PLXDC2: variants seen among roughly 807,000 people sequenced by gnomAD.
The protein encoded by PLXDC2 is plexin domain-containing protein 2.
A neutral mutation model predicts 68.9 loss-of-function variants in PLXDC2; 40 were observed. That is an observed-to-expected ratio of 0.58 (90% CI 0.45 to 0.76). The LOEUF (loss-of-function observed/expected upper bound fraction) is 0.76, where lower values mean the gene tolerates loss of function less well. PLXDC2 is among the 30% of genes least tolerant of loss of function. PLXDC2 has a pLI of 0.00. For missense variants in PLXDC2, 644 were observed against 661.9 expected (o/e 0.97, Z 0.30); for synonymous variants, 243 against 234.2 (o/e 1.04, Z -0.34).
chr10:20,278,409 G>A (rs992249689), intron 13 of PLXDC2, among the ~76,000 whole-genome samples: 1 of 152,104 alleles, frequency 6.6e-6, no homozygotes, highest in Non-Finnish European at 1.5e-5. Flanking sequence ...TGCTTAGTAT[G>A]TTTCCATTGT....
chr10:19,933,912 A>G (rs1259972876), intron 1 of PLXDC2, among the ~76,000 whole-genome samples: 1 of 151,950 alleles, frequency 6.6e-6, no homozygotes, highest in African/African-American at 2.4e-5. Flanking sequence ...GAAAGGAAAG[A>G]GAAAGGAAGG....
chr10:19,978,144 A>G (rs67123321), intron 1 of PLXDC2, among the ~76,000 whole-genome samples: 31,478 of 151,796 alleles, frequency 0.21, 4,009 homozygotes, highest in Middle Eastern at 0.36. Context: ...TTTCCATTTT[A>G]TTTGTTTTAT....
intron 1 of PLXDC2, among the ~76,000 whole-genome samples, chr10:19,861,243 C>T (rs896167634): frequency 1.3e-5 from 2 of 151,970 alleles, no homozygotes; most frequent in African/African-American, 4.8e-5. Context: ...CCATGTTGGC[C>T]AGGCTGGTCT....
At chr10:20,220,507 C>G (rs1282999957) in intron 12 of PLXDC2, among the ~76,000 whole-genome samples, 2 of 152,002 alleles carry the variant, frequency 1.3e-5, no homozygotes, top group East Asian at 3.9e-4. Flanking sequence ...ACTTCCTTCC[C>G]TTCCTTTCCT....
chr10:20,055,165 A>G (rs12260307), intron 3 of PLXDC2, among the ~76,000 whole-genome samples: 10,398 of 152,032 alleles, frequency 0.068, 700 homozygotes, highest in African/African-American at 0.17. Flanking sequence ...TTATGTGTTG[A>G]TTGTTTAAAA....
intron 1 of PLXDC2, among the ~76,000 whole-genome samples, chr10:19,859,756 G>A (rs1837285267): frequency 6.6e-6 from 1 of 152,180 alleles, no homozygotes; most frequent in African/African-American, 2.4e-5. Flanking sequence ...ATTTGAGATG[G>A]AGTCTCTCTG....
At chr10:20,248,056 C>T (rs555407533) in intron 13 of PLXDC2, among the ~76,000 whole-genome samples, 1 of 152,212 alleles carries the variant, frequency 6.6e-6, no homozygotes, top group Non-Finnish European at 1.5e-5. Flanking sequence ...CTAGCCAGAC[C>T]TCAGGCTGCT....
intron 4 of PLXDC2, among the ~76,000 whole-genome samples, chr10:20,134,763 G>A (rs1158679409): frequency 1.3e-5 from 2 of 152,152 alleles, no homozygotes; most frequent in Non-Finnish European, 2.9e-5. Flanking sequence ...GGGCCAGCCT[G>A]TAACCTAGGA....
At chr10:20,188,269 C>T (rs981645357) in intron 9 of PLXDC2, among the ~76,000 whole-genome samples, 4 of 151,670 alleles carry the variant, frequency 2.6e-5, no homozygotes, top group Non-Finnish European at 5.9e-5. Context: ...CTTTCCCCAT[C>T]CTTTCTTACC....
intron 3 of PLXDC2, among the ~76,000 whole-genome samples, chr10:20,055,247 T>A (rs1311950641): frequency 6.6e-6 from 1 of 152,114 alleles, no homozygotes; most frequent in African/African-American, 2.4e-5. Flanking sequence ...ATTTAAAAAA[T>A]TAAGTTTTCT....
At chr10:20,267,425 G>A (rs557333205) in intron 13 of PLXDC2, among the ~76,000 whole-genome samples, 9 of 152,228 alleles carry the variant, frequency 5.9e-5, no homozygotes, top group African/African-American at 2.2e-4. Context: ...GCAGGAAGAA[G>A]ATAGCACCAA....
intron 1 of PLXDC2, among the ~76,000 whole-genome samples, chr10:19,951,221 G>T (rs887630327): frequency 6.6e-6 from 1 of 152,074 alleles, no homozygotes; most frequent in Non-Finnish European, 1.5e-5. Context: ...CAAAATTGGA[G>T]AAAATACTCA....
At position 20,282,635 on chromosome 10, in the gene PLXDC2, A is replaced by T. The variant is rs1836096480; in HGVS notation, c.*2816A>T. 6.6e-6 allele frequency: 1 copy of T among 152,280 alleles called. No individual in the cohort carries two copies. Among genetic ancestry groups the T allele is most frequent in the East Asian group, 1.9e-4 (1 of 5,174 alleles). 9.4% of individuals were successfully genotyped at this position (152,280 alleles called of 1,614,324 possible). A position where few individuals can be genotyped will look rare whatever the true frequency, so the allele number is the denominator to read the frequency against. ...GTTCCATTATTGGAACGCTAAGCTT[A>T]TGGGAGTTATTTAGAGCCTACTGCT... On this transcript the variant is annotated 3_prime_UTR_variant, in exon 14 of 14. Transcript: ENST00000377252.
chr10:19,971,125 C>T (rs556881749), intron 1 of PLXDC2, among the ~76,000 whole-genome samples: 1 of 152,128 alleles, frequency 6.6e-6, no homozygotes, highest in Non-Finnish European at 1.5e-5. Flanking sequence ...ATAATACAGC[C>T]CGTTGGTGAT....
intron 1 of PLXDC2, among the ~76,000 whole-genome samples, chr10:19,856,183 A>G (rs978748480): frequency 3.3e-5 from 5 of 152,188 alleles, no homozygotes; most frequent in African/African-American, 1.2e-4. Context: ...TATTTTGTCA[A>G]TTCATATATT....
chr10:20,114,346 G>A (rs1833596004), intron 4 of PLXDC2, among the ~76,000 whole-genome samples: 1 of 152,096 alleles, frequency 6.6e-6, no homozygotes, highest in South Asian at 2.1e-4. Flanking sequence ...TAGCCCTAAT[G>A]CCCAGCACAA....
At chr10:20,180,280 C>T (rs10827985) in intron 9 of PLXDC2, among the ~76,000 whole-genome samples, 33,534 of 151,822 alleles carry the variant, frequency 0.22, 5,063 homozygotes, top group African/African-American at 0.41. Context: ...TATTGAATAC[C>T]GAACACTTAC....
In PLXDC2 at chr10:20,280,025, C is replaced by A. The variant is rs547239752; in HGVS notation, c.*206C>A. 4 of 527,682 alleles carry A rather than the reference C, an allele frequency of 7.6e-6. No homozygotes were observed. In the African/African-American group the frequency reaches 7.7e-5, roughly 10 times the overall value. 32.7% of individuals were successfully genotyped at this position (527,682 alleles called of 1,614,324 possible). On this transcript the variant is annotated 3_prime_UTR_variant, in exon 14 of 14. Coordinates refer to ENST00000377252, the MANE Select transcript of PLXDC2 (RefSeq NM_032812.9). ...AAACTTATACAAGATACCATTTACA[C>A]TGAACATAGAATTCCCTAGTGGAAT... is the stretch of plus-strand genomic sequence containing the variant.
chr10:20,155,491 C>G (rs1189061050), intron 6 of PLXDC2, among the ~76,000 whole-genome samples: 1 of 151,998 alleles, frequency 6.6e-6, no homozygotes, highest in African/African-American at 2.4e-5. Flanking sequence ...ACATATATAT[C>G]TAATACAAGG....
Sources: allele counts gnomAD v4.1 joint callset (sites outside exome capture counted in the v4.1 genomes callset), GRCh38; gene constraint gnomAD v4.1.1; transcripts MANE v1.5; gene names NCBI Gene and HGNC (gene_info 2026-07-23, HGNC 2026-07-21).